The following ASCC3 variants were observed in gnomAD, a reference collection of about 807,000 sequenced individuals.
ASCC3 encodes the protein ASC-1 complex subunit P200.
ASCC3 carries 158 observed loss-of-function variants against 256.3 expected under a neutral mutation model. The ratio of observed to expected loss-of-function variants is 0.62; its 90% confidence interval spans 0.54 to 0.70. The LOEUF is 0.70. Ranked by LOEUF, ASCC3 falls within the 30% of genes least tolerant of loss-of-function variation. The probability of loss-of-function intolerance (pLI) is 0.00; values close to 1 mark genes in which losing one functional copy is unlikely to be tolerated. For synonymous variants in ASCC3, 948 were observed against 883.4 expected (o/e 1.07, Z -1.30); for missense variants, 2,259 against 2,626.0 (o/e 0.86, Z 3.05).
chr6:100,623,776 G>A (rs1774085631), intron 30 of ASCC3, among the ~76,000 whole-genome samples: 1 of 152,058 alleles, frequency 6.6e-6, no homozygotes, highest in African/African-American at 2.4e-5. Flanking sequence ...ATAGAGAGGA[G>A]GAGGAATATC....
intron 37 of ASCC3, among the ~76,000 whole-genome samples, chr6:100,523,129 G>T (rs774198569): frequency 6.6e-6 from 1 of 151,450 alleles, no homozygotes; most frequent in Admixed American, 6.6e-5. Flanking sequence ...AGGGAATGTG[G>T]TATACTAGAA....
chr6:100,858,167 C>A (rs555676907), intron 3 of ASCC3: 2 of 464,256 alleles, frequency 4.3e-6, no homozygotes, highest in South Asian at 9.4e-5. Context: ...AAATGTATTA[C>A]GTTACATAAA....
chr6:100,658,908 G>A (rs1180874617), intron 16 of ASCC3, among the ~76,000 whole-genome samples: 2 of 151,406 alleles, frequency 1.3e-5, no homozygotes, highest in African/African-American at 2.4e-5. Flanking sequence ...CACAGAGTAT[G>A]TACTCAGTAA....
At chr6:100,614,800 T>C (rs117198814) in intron 30 of ASCC3, among the ~76,000 whole-genome samples, 2,344 of 152,234 alleles carry the variant, frequency 0.015, 24 homozygotes, top group East Asian at 0.045. Context: ...AAATAATGAG[T>C]TATGAAATAA....
At chr6:100,728,900 C>T (rs117846682) in intron 10 of ASCC3, among the ~76,000 whole-genome samples, 1,832 of 152,072 alleles carry the variant, frequency 0.012, 17 homozygotes, top group Middle Eastern at 0.024. Context: ...GGTGATAGCA[C>T]GAATACATCA....
At chr6:100,631,260 A>G (rs2114866780) in intron 25 of ASCC3, 47 bp from the exon 26 acceptor site, 2 of 1,439,336 alleles carry the variant, frequency 1.4e-6, no homozygotes, top group East Asian at 4.6e-5. Flanking sequence ...AAATAGTGAT[A>G]GCATTTTGAA....
intron 13 of ASCC3, among the ~76,000 whole-genome samples, chr6:100,705,554 A>G (rs1778538592): frequency 6.6e-6 from 1 of 152,046 alleles, no homozygotes; most frequent in Non-Finnish European, 1.5e-5. Flanking sequence ...ATAAAACCAA[A>G]GTACTTAAGG....
At chr6:100,825,314 GATA>G (rs1420469531) in intron 4 of ASCC3, among the ~76,000 whole-genome samples, 1 of 148,448 alleles carries the variant, frequency 6.7e-6, no homozygotes, top group Non-Finnish European at 1.5e-5. Context: ...TAAAAAAGCA[GATA>G]ATGTCAAGTA....
intron 4 of ASCC3, among the ~76,000 whole-genome samples, chr6:100,841,602 C>T (rs1167792139): frequency 2.0e-5 from 3 of 151,644 alleles, no homozygotes; most frequent in Non-Finnish European, 4.4e-5. Context: ...CATGTCAGTA[C>T]TATTAGAACA....
intron 10 of ASCC3, among the ~76,000 whole-genome samples, chr6:100,746,086 A>C (rs1489032877): frequency 7.7e-6 from 1 of 129,596 alleles, no homozygotes; most frequent in East Asian, 2.3e-4. Context: ...TATTCCAAAC[A>C]CTTCACATGT....
chr6:100,602,203 A>AG (rs368890118), intron 33 of ASCC3, among the ~76,000 whole-genome samples: 24 of 152,190 alleles, frequency 1.6e-4, no homozygotes, highest in African/African-American at 5.1e-4. Context: ...ATTATTCACC[A>AG]GTACATATAT....
chr6:100,767,569 TATG>T (rs1184098844), intron 8 of ASCC3, among the ~76,000 whole-genome samples: 1 of 151,926 alleles, frequency 6.6e-6, no homozygotes, highest in Non-Finnish European at 1.5e-5. Flanking sequence ...ATTTGAAAAA[TATG>T]ATGACACTAT....
intron 20 of ASCC3, 69 bp from the exon 21 acceptor site, chr6:100,647,520 A>G (rs1775442031): frequency 7.3e-7 from 1 of 1,365,240 alleles, no homozygotes; most frequent in Non-Finnish European, 1.0e-6. Context: ...TAAATCTATT[A>G]TTCAAACTCA....
intron 30 of ASCC3, among the ~76,000 whole-genome samples, chr6:100,621,780 C>T (rs980657627): frequency 2.0e-5 from 3 of 152,140 alleles, no homozygotes; most frequent in Admixed American, 6.5e-5. Context: ...TATAAAGATA[C>T]GTGCACACGT....
At chr6:100,766,054 T>C (rs1781641223) in intron 10 of ASCC3, among the ~76,000 whole-genome samples, 1 of 152,208 alleles carries the variant, frequency 6.6e-6, no homozygotes. Context: ...AGAAACTGTG[T>C]CTTAAGTGTC....
Position 100,757,131 on chromosome 6 carries a change from T to A in ASCC3, c.1737+9434A>T, listed in dbSNP as rs184334100. On this transcript the variant is annotated intron_variant, in intron 10 of 41. Transcript: ENST00000369162. ...ATGTTCAGTAAGTAGCTATGGCTAT[T>A]CTAATACATGAGAATAAAATAATGA... 1.5e-3 allele frequency among the ~76,000 whole-genome samples: 233 copies of A among 152,240 alleles called. 1 individual carries two copies. Among genetic ancestry groups the A allele is most frequent in the African/African-American group, 5.1e-3 (213 of 41,546 alleles).
intron 13 of ASCC3, among the ~76,000 whole-genome samples, chr6:100,700,127 C>A (rs921072965): frequency 6.6e-6 from 1 of 152,022 alleles, no homozygotes; most frequent in African/African-American, 2.4e-5. Context: ...TTTGTGGCAG[C>A]CCAACCCATC....
intron 4 of ASCC3, among the ~76,000 whole-genome samples, chr6:100,819,658 G>T (rs1770940609): frequency 6.6e-6 from 1 of 152,098 alleles, no homozygotes; most frequent in South Asian, 2.1e-4. Flanking sequence ...TCCAGGAAGG[G>T]GGTGGGGGGA....
At position 100,509,542 on chromosome 6, in the gene ASCC3, T is replaced by G. The variant is rs746724087; in HGVS notation, c.6462-9A>C. ...ATAATGTGTAGATATACCTAAAATA[T>G]AAAAATAGAAGAAAAATGTAAAACC... On this transcript the variant is annotated splice_polypyrimidine_tract_variant and intron_variant, in intron 41 of 41. Coordinates refer to ENST00000369162, the MANE Select transcript of ASCC3 (RefSeq NM_006828.4). The G allele has an allele frequency of 2.8e-5, 45 of 1,608,696 alleles. No homozygotes were observed. The highest frequency in any genetic ancestry group is 6.7e-5 in the Admixed American group (4 of 59,948).
Sources: gnomAD v4.1 joint callset for allele counts (sites outside exome capture counted in the v4.1 genomes callset) on GRCh38, gnomAD v4.1.1 for gene constraint, MANE v1.5 for transcripts, NCBI Gene and HGNC (gene_info 2026-07-23, HGNC 2026-07-21) for gene names.